The following C21orf58 variants were observed in gnomAD, a reference collection of about 807,000 sequenced individuals.
The protein encoded by C21orf58 is uncharacterized protein C21orf58.
A neutral mutation model predicts 35.8 loss-of-function variants in C21orf58; 34 were observed. That is an observed-to-expected ratio of 0.95 (90% CI 0.72 to 1.26). C21orf58 has a LOEUF of 1.26. C21orf58 is among the 50% of genes most tolerant of loss of function. The pLI is 0.00. For synonymous variants in C21orf58, 191 were observed against 175.8 expected (o/e 1.09, Z -0.68); for missense variants, 440 against 414.3 (o/e 1.06, Z -0.54).
chr21:46,320,549 C>T (rs921499617), intron 1 of C21orf58: 2 of 144,158 alleles, frequency 1.4e-5, no homozygotes, highest in Non-Finnish European at 3.0e-5. Flanking sequence ...GGTATCAGGC[C>T]AACAGGGACC....
intron 6 of C21orf58, among the ~76,000 whole-genome samples, chr21:46,305,866 T>C (rs1178609381): frequency 6.6e-6 from 1 of 151,368 alleles, no homozygotes; most frequent in Non-Finnish European, 1.5e-5. Context: ...GGCGTGAACC[T>C]GGGGGGCAGA....
rs1382140848 is a variant in C21orf58, at chr21:46,322,873, G to A, written c.-135C>T. 3 of 567,978 alleles carry A rather than the reference G, an allele frequency of 5.3e-6. No individual in the cohort carries two copies. The highest frequency in any genetic ancestry group is 3.9e-5 in the African/African-American group (2 of 51,790). The allele number at this position is 567,978 out of a possible 1,614,324, so 35.2% of individuals were successfully genotyped here. On this transcript the variant is annotated 5_prime_UTR_variant, in exon 1 of 8. Coordinates refer to ENST00000291691, the MANE Select transcript of C21orf58 (RefSeq NM_058180.5). Reference sequence around the variant, plus strand: ...GGCTGCAAGGTGAGCTTGCGTCAGCGAGGAGCCACTCCAGCACGCTCGGGA... The same window carrying A: ...GGCTGCAAGGTGAGCTTGCGTCAGCAAGGAGCCACTCCAGCACGCTCGGGA...
At position 46,301,460 on chromosome 21, in the gene C21orf58, T is replaced by A; in HGVS notation, c.*539A>T. On this transcript the variant is annotated 3_prime_UTR_variant, in exon 8 of 8. Coordinates refer to ENST00000291691, the MANE Select transcript of C21orf58 (RefSeq NM_058180.5). ...TGCACCCCTACTTCTTTAGTGGGAG[T>A]CTGTGCCACAGCTGTGGACACAGGT... The A allele has an allele frequency of 2.1e-6, 2 of 935,296 alleles. No individual in the cohort carries two copies. The highest frequency in any genetic ancestry group is 2.5e-6 in the Non-Finnish European group (2 of 812,472). The allele number at this position is 935,296 out of a possible 1,614,324, so 57.9% of individuals were successfully genotyped here. A position where few individuals can be genotyped will look rare whatever the true frequency, so the allele number is the denominator to read the frequency against.
At position 46,318,132 on chromosome 21, in the gene C21orf58, G is replaced by C; in HGVS notation, c.189C>G (p.Thr63=). 1 of 1,613,124 alleles carries C rather than the reference G, an allele frequency of 6.2e-7. No individual in the cohort carries two copies. ...AEQFFPASNR[T]REGGGLWPPL... The stretch of plus-strand genomic sequence containing the variant: ...GAGGCCACAGCCCACCTCCCTCCCT[G>C]GTTCTGTTACTCGCAGGAAAGAACT... The change falls in exon 2 of 8, where the codon ACC becomes ACG. Residue 63 remains threonine, a synonymous_variant. Transcript: ENST00000291691.
At chr21:46,322,099 G>A (rs564941847) in intron 1 of C21orf58, among the ~76,000 whole-genome samples, 2 of 152,016 alleles carry the variant, frequency 1.3e-5, no homozygotes, top group Admixed American at 1.3e-4. Flanking sequence ...GACCAGCCTG[G>A]GCAACACAGT....
intron 6 of C21orf58, among the ~76,000 whole-genome samples, chr21:46,302,937 C>T (rs1415375509): frequency 6.9e-6 from 1 of 143,944 alleles, no homozygotes; most frequent in Non-Finnish European, 1.5e-5. Context: ...TGCGGGTCCC[C>T]GGGGCGCGCC....
Position 46,311,562 on chromosome 21 carries a change from G to C in C21orf58, c.615C>G (p.Pro205=). 1 of 1,605,372 alleles carries C rather than the reference G, an allele frequency of 6.2e-7. No homozygotes were observed. Among genetic ancestry groups the C allele is most frequent in the Non-Finnish European group, 8.5e-7 (1 of 1,174,802 alleles). The change falls in exon 6 of 8, where the codon CCC becomes CCG. Residue 205 remains proline (P), a synonymous_variant. Coordinates refer to ENST00000291691, the MANE Select transcript of C21orf58 (RefSeq NM_058180.5). Reference sequence around the variant, plus strand: ...GCTGAATGATGGTGGCAGGAGGCTGGGGGACCTAGGAACAGCCAGGTGATT... The same window carrying C: ...GCTGAATGATGGTGGCAGGAGGCTGCGGGACCTAGGAACAGCCAGGTGATT... ...DPPRIILPTV[P]QPPATIIQQL...
rs2083238145 is a variant in C21orf58 at position 46,323,279 on chromosome 21, T to A, written c.-541A>T. 6.6e-6 allele frequency: 1 copy of A among 152,306 alleles called. No individual in the cohort carries two copies. The allele number at this position is 152,306 out of a possible 1,614,324, so 9.4% of individuals were successfully genotyped here. A position where few individuals can be genotyped will look rare whatever the true frequency, so the allele number is the denominator to read the frequency against. ...TTCCGTGGTTTCCACCTCTGCAAGCTTATGTTCCGCTGAGCTCAAGCTGAG... is the reference window on the plus strand; with the variant it reads ...TTCCGTGGTTTCCACCTCTGCAAGCATATGTTCCGCTGAGCTCAAGCTGAG... On this transcript the variant is annotated 5_prime_UTR_variant, in exon 1 of 8. It adds an upstream start codon to the 5' untranslated region. Coordinates refer to ENST00000291691, the MANE Select transcript of C21orf58 (RefSeq NM_058180.5).
At chr21:46,322,447 C>T in intron 1 of C21orf58, 192 bp downstream of exon 1, 1 of 984,230 alleles carries the variant, frequency 1.0e-6, no homozygotes, top group Non-Finnish European at 1.2e-6. Flanking sequence ...TATTGTAACA[C>T]GTAACAGTTG....
rs2083259775 is a variant in C21orf58 at position 46,323,832 on chromosome 21, C to A, written c.-1094G>T. ...CCGCTGTCCTGGTGGACACAAAGCC[C>A]AGGGGCCGCCCGCGCGGGACCAGCA... On this transcript the variant is annotated 5_prime_UTR_variant, in exon 1 of 8. Transcript: ENST00000291691. 1 of 360,494 alleles carries A rather than the reference C, an allele frequency of 2.8e-6. No individual in the cohort carries two copies. The highest frequency in any genetic ancestry group is 5.3e-6 in the Non-Finnish European group (1 of 187,412). The allele number at this position is 360,494 out of a possible 1,614,324, so 22.3% of individuals were successfully genotyped here.
chr21:46,321,020 G>C (rs1472909835), intron 1 of C21orf58, among the ~76,000 whole-genome samples: 1 of 152,070 alleles, frequency 6.6e-6, no homozygotes, highest in East Asian at 1.9e-4. Flanking sequence ...AGAGGGCATG[G>C]ATTTGTCAGA....
chr21:46,318,575 A>T, intron 1 of C21orf58: 1 of 1,186,316 alleles, frequency 8.4e-7, no homozygotes, highest in South Asian at 1.9e-5. Flanking sequence ...TACTGCCTCC[A>T]GGGTGTTAAT....
intron 6 of C21orf58, among the ~76,000 whole-genome samples, chr21:46,303,700 ACACAC>A (rs1442007589): frequency 5.9e-4 from 62 of 105,554 alleles, no homozygotes; most frequent in Non-Finnish European, 8.5e-4. Context: ...ACACACACAC[ACACAC>A]AAAATATATA....
rs1341242805 is a variant in C21orf58, at chr21:46,314,790, G to T, written c.535C>A (p.Pro179Thr). ...ALGSALPPEL[P>T]PTGILPTASP... Reference sequence around the variant, plus strand: ...GCAGTGGGTAGGATGCCCGTGGGGGGCAGCTCTGGGGGCAGGGCTGACCCG... The same window carrying T: ...GCAGTGGGTAGGATGCCCGTGGGGGTCAGCTCTGGGGGCAGGGCTGACCCG... The change falls in exon 5 of 8, where the codon CCC becomes ACC. Residue 179 changes from proline to threonine, a missense_variant. Coordinates refer to ENST00000291691, the MANE Select transcript of C21orf58 (RefSeq NM_058180.5). 6.5e-7 allele frequency: 1 copy of T among 1,533,804 alleles called. No individual in the cohort carries two copies. Among genetic ancestry groups the T allele is most frequent in the South Asian group, 1.2e-5 (1 of 82,840 alleles).
chr21:46,302,183 C>T (rs771046825), intron 7 of C21orf58, 29 bp from the exon 8 acceptor site: 132 of 1,449,704 alleles, frequency 9.1e-5, no homozygotes, highest in Middle Eastern at 7.6e-4. Flanking sequence ...CTGCTTAGGA[C>T]GCAGCCCAGG....
intron 6 of C21orf58, among the ~76,000 whole-genome samples, chr21:46,308,912 C>T (rs2082545384): frequency 6.6e-6 from 1 of 152,196 alleles, no homozygotes; most frequent in Admixed American, 6.5e-5. Flanking sequence ...CACGTGATGC[C>T]TCCAGACTCT....
chr21:46,303,731 A>ATC (rs2082256070), intron 6 of C21orf58, among the ~76,000 whole-genome samples: 2 of 28,432 alleles, frequency 7.0e-5, no homozygotes, highest in Admixed American at 4.4e-4. Context: ...ATATATATAT[A>ATC]TATATATATA....
intron 2 of C21orf58, 67 bp downstream of exon 2, chr21:46,317,945 G>A (rs928048126): frequency 4.7e-5 from 74 of 1,561,642 alleles, no homozygotes; most frequent in Non-Finnish European, 6.0e-5. Flanking sequence ...GGGCTGTCTC[G>A]AAGAGTCCCT....
At position 46,317,195 on chromosome 21, in the gene C21orf58, C is replaced by G. The variant is rs1407226383; in HGVS notation, c.370+13G>C. 3 of 1,608,690 alleles carry G rather than the reference C, an allele frequency of 1.9e-6. No homozygotes were observed. Among genetic ancestry groups the G allele is most frequent in the South Asian group, 2.2e-5 (2 of 90,440 alleles). On this transcript the variant is annotated intron_variant, in intron 3 of 7. Transcript: ENST00000291691. Reference sequence around the variant, plus strand: ...CTGTCTGTGCTGGTTCCAAGCAGCCCAGGGGCTCTCACCTGGCTCGAGGTG... The same window carrying G: ...CTGTCTGTGCTGGTTCCAAGCAGCCGAGGGGCTCTCACCTGGCTCGAGGTG...
Sources: gnomAD v4.1 joint callset for allele counts (sites outside exome capture counted in the v4.1 genomes callset) on GRCh38, gnomAD v4.1.1 for gene constraint, MANE v1.5 for transcripts, NCBI Gene and HGNC (gene_info 2026-07-23, HGNC 2026-07-21) for gene names.